The following CELF2 variants were observed in gnomAD, a reference collection of about 807,000 sequenced individuals.
CELF2 encodes the protein CUG triplet repeat RNA-binding protein 2.
CELF2 carries 8 observed loss-of-function variants against 62.6 expected under a neutral mutation model. The ratio of observed to expected loss-of-function variants is 0.13; its 90% CI spans 0.07 to 0.23. The LOEUF (loss-of-function observed/expected upper bound fraction) is 0.23. CELF2 is among the 10% of genes least tolerant of loss of function. The pLI is 1.00. For synonymous variants in CELF2, 258 were observed against 250.0 expected, an observed-to-expected ratio of 1.03 and a Z score of -0.30; for missense variants, 333 against 671.0, an observed-to-expected ratio of 0.50 and a Z score of 5.56.
Position 10,936,427 on chromosome 10 carries a change from T to G in CELF2, c.89+16428T>G, listed in dbSNP as rs1334980284. On this transcript the variant is annotated intron_variant, in intron 2 of 13. Coordinates refer to the CELF2 transcript ENST00000636488. The surrounding 1 kb of genome is among the most constrained non-coding windows in gnomAD (Gnocchi z 4.0). ...CCTTAGAGCTCCATGGAACCTGTTTTGCATCGTCTCCTTGTTTCACAGATG... is the reference window on the plus strand; with the variant it reads ...CCTTAGAGCTCCATGGAACCTGTTTGGCATCGTCTCCTTGTTTCACAGATG... Among the ~76,000 whole-genome samples, 3 of 152,166 alleles carry G rather than the reference T, an allele frequency of 2.0e-5. No homozygotes were observed. The highest frequency in any genetic ancestry group is 7.2e-5 in the African/African-American group (3 of 41,446).
At chr10:10,763,491 A>C in the CELF2 span, among the ~76,000 whole-genome samples, 353 of 152,320 alleles carry the variant, frequency 2.3e-3, 1 homozygote, top group Admixed American at 3.2e-3. Flanking sequence ...TCATGCAACT[A>C]AACAGCCCAT....
chr10:10,800,502 C>A (rs1212415772), intron 1 of CELF2, among the ~76,000 whole-genome samples: 1 of 152,154 alleles, frequency 6.6e-6, no homozygotes, highest in Admixed American at 6.6e-5. Context: ...CAGGTGCCTA[C>A]CACCATACCT....
At chr10:10,726,737 T>G in the CELF2 span, among the ~76,000 whole-genome samples, 1 of 152,216 alleles carries the variant, frequency 6.6e-6, no homozygotes, top group East Asian at 1.9e-4. Flanking sequence ...CTCAAACAAT[T>G]TAATCCTTTA....
the CELF2 span, among the ~76,000 whole-genome samples, chr10:10,616,676 G>A: frequency 2.3e-5 from 3 of 130,830 alleles, no homozygotes; most frequent in Non-Finnish European, 4.7e-5. Context: ...ACCCAAATTC[G>A]TGTGTGTGTG....
At chr10:10,826,442 A>G (rs967351744) in intron 1 of CELF2, among the ~76,000 whole-genome samples, 1 of 152,240 alleles carries the variant, frequency 6.6e-6, no homozygotes, top group Non-Finnish European at 1.5e-5. Context: ...TTTGAATTTC[A>G]GATAAGCAAT....
At chr10:10,791,658 C>A in the CELF2 span, among the ~76,000 whole-genome samples, 1 of 152,014 alleles carries the variant, frequency 6.6e-6, no homozygotes, top group East Asian at 1.9e-4. Context: ...TAAAATAATT[C>A]TTTAAAAGTC....
At chr10:10,738,293 C>T in the CELF2 span, among the ~76,000 whole-genome samples, 21 of 152,082 alleles carry the variant, frequency 1.4e-4, no homozygotes, top group Admixed American at 7.9e-4. Flanking sequence ...AATATGCTGC[C>T]ATACATTCAT....
At chr10:11,068,246 A>G (rs1182339171) in intron 1 of CELF2, among the ~76,000 whole-genome samples, 3 of 152,232 alleles carry the variant, frequency 2.0e-5, no homozygotes, top group East Asian at 3.9e-4. Context: ...AATCAGACCA[A>G]TAAATGTCAA....
intron 1 of CELF2, among the ~76,000 whole-genome samples, chr10:10,889,914 T>G (rs1347666154): frequency 6.6e-6 from 1 of 152,230 alleles, no homozygotes; most frequent in Non-Finnish European, 1.5e-5. Context: ...CAGTCTTTCC[T>G]GTGCATGATA....
the CELF2 span, among the ~76,000 whole-genome samples, chr10:10,564,760 G>C: frequency 6.6e-6 from 1 of 150,620 alleles, no homozygotes; most frequent in South Asian, 2.1e-4. Flanking sequence ...CCCAGGCTTG[G>C]GTTCCACAGT....
chr10:10,932,977 G>A (rs183895933), intron 2 of CELF2, among the ~76,000 whole-genome samples: 154 of 152,256 alleles, frequency 1.0e-3, no homozygotes, highest in South Asian at 4.4e-3. Context: ...GCTTTAGAAT[G>A]ATAGAAGTGG....
intron 4 of CELF2, 101 bp from the exon 5 acceptor site, chr10:11,257,637 G>T: frequency 7.3e-7 from 1 of 1,374,288 alleles, no homozygotes; most frequent in East Asian, 2.4e-5. Context: ...CACGTGCTTG[G>T]TCTCACATGG....
chr10:11,253,242 A>G (rs995223107), intron 4 of CELF2, among the ~76,000 whole-genome samples: 1 of 152,184 alleles, frequency 6.6e-6, no homozygotes, highest in East Asian at 1.9e-4. Context: ...TTAACCCTCC[A>G]ACCTCACAAT....
intron 1 of CELF2, among the ~76,000 whole-genome samples, chr10:11,074,124 T>C (rs561926103): frequency 5.9e-5 from 9 of 152,330 alleles, no homozygotes; most frequent in African/African-American, 1.7e-4. Context: ...CAACATCTAT[T>C]CAACCTATTT....
rs552688337 is a variant in CELF2, at chr10:11,145,196, G to A, written c.75-20290G>A. 2.0e-5 allele frequency among the ~76,000 whole-genome samples: 3 copies of A among 152,336 alleles called. No homozygotes were observed. Among genetic ancestry groups the A allele is most frequent in the Admixed American group, 2.0e-4 (3 of 15,302 alleles). The stretch of plus-strand genomic sequence containing the variant: ...ATAATCCATGAAAGGAAAAAGCCCA[G>A]GCTAAAAATACAGAACAGAACAAAT... On this transcript the variant is annotated intron_variant, in intron 1 of 12. Transcript: ENST00000633077. The surrounding 1 kb of genome is among the most constrained non-coding windows in gnomAD (Gnocchi z 4.3).
At chr10:10,495,372 T>C in the CELF2 span, among the ~76,000 whole-genome samples, 1 of 152,098 alleles carries the variant, frequency 6.6e-6, no homozygotes, top group Non-Finnish European at 1.5e-5. Flanking sequence ...CTTTGAAGAG[T>C]TCTGTGGCCT....
chr10:10,492,532 A>T, the CELF2 span, among the ~76,000 whole-genome samples: 68 of 152,216 alleles, frequency 4.5e-4, 1 homozygote, highest in Admixed American at 3.6e-3. Flanking sequence ...AAAATAAACC[A>T]TGGAACTACC....
chr10:10,755,885 T>A, the CELF2 span, among the ~76,000 whole-genome samples: 1 of 152,050 alleles, frequency 6.6e-6, no homozygotes, highest in Non-Finnish European at 1.5e-5. Context: ...CAACCCAAAT[T>A]CCAACTTGCC....
In CELF2 at chr10:11,244,449, C is replaced by T. The variant is rs1048164935; in HGVS notation, c.355-4704C>T. ...TGGGTGGATCCCAAGGTCAGGAGAT[C>T]GAGACCATCGTGGCTAACATGGTGA... On this transcript the variant is annotated intron_variant, in intron 3 of 12. Coordinates refer to ENST00000633077, the MANE Select transcript of CELF2 (RefSeq NM_001326342.2). The surrounding 1 kb of genome is among the most constrained non-coding windows in gnomAD (Gnocchi z 4.2). 6.6e-5 allele frequency among the ~76,000 whole-genome samples: 10 copies of T among 152,040 alleles called. No homozygotes were observed. The highest frequency in any genetic ancestry group is 1.3e-4 in the Admixed American group (2 of 15,268).
Sources: allele counts gnomAD v4.1 joint callset (sites outside exome capture counted in the v4.1 genomes callset), GRCh38; gene constraint gnomAD v4.1.1; non-coding constraint Gnocchi (gnomAD v3.1); transcripts MANE v1.5; gene names NCBI Gene and HGNC (gene_info 2026-07-23, HGNC 2026-07-21).